The following RFFL variants were observed in gnomAD, a reference collection of about 807,000 sequenced individuals.
RFFL encodes E3 ubiquitin-protein ligase rififylin.
A neutral mutation model predicts 40.4 loss-of-function variants in RFFL; 16 were observed. The observed-to-expected ratio is 0.40, with a 90% confidence interval of 0.27 to 0.60. The LOEUF is 0.60. Ranked by LOEUF, RFFL falls within the 20% of genes least tolerant of loss-of-function variation. The pLI is 0.47. For synonymous variants in RFFL, 154 were observed against 167.9 expected (o/e 0.92, Z 0.64); for missense variants, 367 against 451.7 (o/e 0.81, Z 1.70).
chr17:35,067,785 G>C (rs779986754), upstream of RFFL, among the ~76,000 whole-genome samples: 1 of 152,084 alleles, frequency 6.6e-6, no homozygotes, highest in East Asian at 1.9e-4. Context: ...GATGGGCCTT[G>C]GATCATGTTT....
At chr17:35,045,198 G>A (rs570427636) in intron 1 of RFFL, among the ~76,000 whole-genome samples, 3 of 151,830 alleles carry the variant, frequency 2.0e-5, no homozygotes, top group Admixed American at 2.0e-4. Context: ...TAGCAGTACT[G>A]TATCTAATCA....
intron 2 of RFFL, 43 bp downstream of exon 2, chr17:35,026,331 C>T: frequency 3.1e-6 from 5 of 1,600,790 alleles, no homozygotes; most frequent in Non-Finnish European, 4.3e-6. Flanking sequence ...GCCCATGGTC[C>T]ATAGGCTGCA....
chr17:35,085,620 G>C (rs540838423), intron 1 of RFFL, among the ~76,000 whole-genome samples: 2 of 152,212 alleles, frequency 1.3e-5, no homozygotes, highest in East Asian at 1.9e-4. Context: ...GTAGAAACAG[G>C]GTTTCACCAT....
chr17:35,037,873 C>T (rs965115906), intron 1 of RFFL, among the ~76,000 whole-genome samples: 2 of 152,122 alleles, frequency 1.3e-5, no homozygotes, highest in East Asian at 3.9e-4. Flanking sequence ...TCCAGAATCT[C>T]CCAGGTGTTA....
chr17:35,014,509 T>G (rs996276679), intron 6 of RFFL, among the ~76,000 whole-genome samples: 1 of 152,138 alleles, frequency 6.6e-6, no homozygotes, highest in Admixed American at 6.5e-5. Flanking sequence ...CCCAGGGACA[T>G]GCACATCAGT....
chr17:35,078,105 C>T (rs2091385942), intron 1 of RFFL, among the ~76,000 whole-genome samples: 2 of 152,160 alleles, frequency 1.3e-5, no homozygotes, highest in South Asian at 4.1e-4. Flanking sequence ...AATCCCACAT[C>T]TCTATCCCAA....
intron 1 of RFFL, among the ~76,000 whole-genome samples, chr17:35,080,905 T>C (rs1333751479): frequency 1.3e-5 from 2 of 152,200 alleles, no homozygotes; most frequent in South Asian, 2.1e-4. Context: ...AGAAAAGGCA[T>C]GTGAACATGA....
intron 2 of RFFL, chr17:35,025,479 A>G (rs958321093): frequency 2.0e-5 from 3 of 152,246 alleles, no homozygotes; most frequent in African/African-American, 7.2e-5. Context: ...GGGAGATTCT[A>G]AAACCTATAT....
intron 1 of RFFL, among the ~76,000 whole-genome samples, chr17:35,054,631 A>G (rs542398096): frequency 6.6e-6 from 1 of 152,036 alleles, no homozygotes; most frequent in South Asian, 2.1e-4. Context: ...AAATTCATAC[A>G]GCTGGGGTAA....
chr17:35,023,668 G>GA (rs779005701), intron 2 of RFFL, among the ~76,000 whole-genome samples: 12 of 152,240 alleles, frequency 7.9e-5, no homozygotes, highest in Non-Finnish European at 1.3e-4. Context: ...GCCTGACATG[G>GA]AATATTACTT....
intron 1 of RFFL, among the ~76,000 whole-genome samples, chr17:35,049,180 T>C (rs931364973): frequency 3.9e-5 from 6 of 152,222 alleles, no homozygotes; most frequent in Non-Finnish European, 8.8e-5. Flanking sequence ...TTGTTCTCAC[T>C]GCTTTCACAC....
At chr17:35,045,694 G>A (rs747061169) in intron 1 of RFFL, among the ~76,000 whole-genome samples, 6 of 151,860 alleles carry the variant, frequency 4.0e-5, no homozygotes, top group African/African-American at 4.8e-5. Flanking sequence ...GCAATAGAGC[G>A]CTTTTTAAAA....
chr17:35,028,257 C>T lies in RFFL; in HGVS notation c.-8-1696G>A, dbSNP rs562614542. Among the ~76,000 whole-genome samples, 59 of 151,894 alleles carry T rather than the reference C, an allele frequency of 3.9e-4. No homozygotes were observed. The South Asian group carries it at 0.011, about 29-fold the overall frequency. On this transcript the variant is annotated intron_variant, in intron 1 of 6. Transcript: ENST00000394597. Reference sequence around the variant, plus strand: ...GGCTGAGGTGAGAGGATCACTTAAGCCTGAGAGGCGGAGATGGCAGTGAGC... The same window carrying T: ...GGCTGAGGTGAGAGGATCACTTAAGTCTGAGAGGCGGAGATGGCAGTGAGC...
chr17:35,017,963 A>G (rs1218374809), intron 3 of RFFL, among the ~76,000 whole-genome samples: 3 of 152,160 alleles, frequency 2.0e-5, no homozygotes, highest in African/African-American at 7.2e-5. Context: ...TCTATCTGGC[A>G]TCAAGGTTTT....
intron 1 of RFFL, chr17:35,069,195 A>G (rs925620323): frequency 2.0e-5 from 9 of 455,834 alleles, no homozygotes; most frequent in Non-Finnish European, 4.0e-5. Context: ...ACACACTCAC[A>G]TGCTCTGTCT....
chr17:35,022,106 G>A (rs1050138440), intron 2 of RFFL, among the ~76,000 whole-genome samples: 1 of 152,198 alleles, frequency 6.6e-6, no homozygotes, highest in Non-Finnish European at 1.5e-5. Flanking sequence ...AAAAAGCTCT[G>A]CATTTTTATT....
At chr17:35,067,048 A>C (rs568331229), upstream of RFFL, among the ~76,000 whole-genome samples, 21 of 152,246 alleles carry the variant, frequency 1.4e-4, no homozygotes, top group African/African-American at 4.8e-4. Context: ...ATTGAAAATG[A>C]ACATTTCTCA....
intron 1 of RFFL, among the ~76,000 whole-genome samples, chr17:35,070,925 G>A (rs941685234): frequency 1.3e-5 from 2 of 152,160 alleles, no homozygotes; most frequent in African/African-American, 2.4e-5. Context: ...GGCCAGGCAC[G>A]GTGGCCCATG....
At chr17:35,087,835 T>C (rs1184092927) in intron 1 of RFFL, among the ~76,000 whole-genome samples, 1 of 152,242 alleles carries the variant, frequency 6.6e-6, no homozygotes, top group African/African-American at 2.4e-5. Context: ...ATCTACTTCC[T>C]TGAATGTGAA....
Sources: gnomAD v4.1 joint callset for allele counts (sites outside exome capture counted in the v4.1 genomes callset) on GRCh38, gnomAD v4.1.1 for gene constraint, MANE v1.5 for transcripts, NCBI Gene and HGNC (gene_info 2026-07-23, HGNC 2026-07-21) for gene names.